Variants in GNA14 observed in about 807,000 individuals in gnomAD.
GNA14 encodes G protein subunit alpha 14, also known as guanine nucleotide-binding protein subunit alpha-14.
A neutral mutation model predicts 42.0 loss-of-function variants in GNA14; 50 were observed. The ratio of observed to expected loss-of-function variants is 1.19; its 90% confidence interval spans 0.95 to 1.51. The LOEUF (loss-of-function observed/expected upper bound fraction) is 1.51, where lower values mean the gene tolerates loss of function less well. Ranked by LOEUF, GNA14 falls within the 40% of genes most tolerant of loss-of-function variation. The pLI, the probability that GNA14 is intolerant of heterozygous loss-of-function variation, is 0.00. For synonymous variants in GNA14, 173 were observed against 163.1 expected, an observed-to-expected ratio of 1.06 and a Z score of -0.46; for missense variants, 473 against 446.2, an observed-to-expected ratio of 1.06 and a Z score of -0.54.
rs148808999 is a variant in GNA14, at chr9:77,451,169, T to C, written c.310-16647A>G. ...GCTTCCTTCAAGAGGACTCAAGATA[T>C]AATCTCAGCTCATCCCCTAGTAGGG... On this transcript the variant is annotated intron_variant, in intron 2 of 6. Coordinates refer to ENST00000341700, the MANE Select transcript of GNA14 (RefSeq NM_004297.4). 4.6e-3 allele frequency among the ~76,000 whole-genome samples: 696 copies of C among 152,256 alleles called. 4 individuals carry two copies. The highest frequency in any genetic ancestry group is 0.015 in the African/African-American group (641 of 41,544).
intron 1 of GNA14, among the ~76,000 whole-genome samples, chr9:77,546,117 T>C (rs1837716138): frequency 6.9e-6 from 1 of 145,180 alleles, no homozygotes; most frequent in East Asian, 2.0e-4. Context: ...CATGGGAGGC[T>C]GAGGCAGGAG....
At chr9:77,430,642 T>C (rs937715894) in intron 4 of GNA14, among the ~76,000 whole-genome samples, 1 of 152,164 alleles carries the variant, frequency 6.6e-6, no homozygotes, top group Non-Finnish European at 1.5e-5. Context: ...GACTGATGTG[T>C]TGTCTCAACT....
intron 1 of GNA14, among the ~76,000 whole-genome samples, chr9:77,630,905 G>A (rs7852042): frequency 0.24 from 37,169 of 151,960 alleles, 4,945 homozygotes; most frequent in African/African-American, 0.35. Flanking sequence ...TCACCAGCTG[G>A]CCCACAGCAT....
chr9:77,519,134 G>A (rs1174032577), intron 2 of GNA14, among the ~76,000 whole-genome samples: 2 of 152,180 alleles, frequency 1.3e-5, no homozygotes, highest in Non-Finnish European at 2.9e-5. Flanking sequence ...ACAGAGGCCG[G>A]ACAAGGTGGC....
At chr9:77,447,447 A>G (rs1368061478) in intron 2 of GNA14, among the ~76,000 whole-genome samples, 1 of 152,218 alleles carries the variant, frequency 6.6e-6, no homozygotes, top group Non-Finnish European at 1.5e-5. Context: ...TACACCAGAC[A>G]GGAGGCTGTT....
intron 2 of GNA14, among the ~76,000 whole-genome samples, chr9:77,457,592 A>G (rs1836025244): frequency 6.6e-6 from 1 of 152,204 alleles, no homozygotes; most frequent in Non-Finnish European, 1.5e-5. Flanking sequence ...GCACACAAGG[A>G]CACATGTGAG....
chr9:77,638,272 A>C (rs1362392357), intron 1 of GNA14, among the ~76,000 whole-genome samples: 1 of 152,226 alleles, frequency 6.6e-6, no homozygotes, highest in Non-Finnish European at 1.5e-5. Flanking sequence ...CAGAGCTTGC[A>C]ATCTATTTGG....
intron 1 of GNA14, among the ~76,000 whole-genome samples, chr9:77,615,928 T>TTTGTTGTTGTTG (rs147640630): frequency 6.6e-6 from 1 of 151,430 alleles, no homozygotes; most frequent in African/African-American, 2.4e-5. Context: ...GAGCAAGATT[T>TTTGTTGTTGTTG]TTGTTGTTGT....
intron 1 of GNA14, among the ~76,000 whole-genome samples, chr9:77,602,851 T>A (rs1276829797): frequency 6.6e-6 from 1 of 152,240 alleles, no homozygotes; most frequent in Admixed American, 6.5e-5. Flanking sequence ...TTTAATGCTC[T>A]GCTGTTACTG....
intron 1 of GNA14, among the ~76,000 whole-genome samples, chr9:77,590,650 A>T (rs1255262894): frequency 1.3e-5 from 2 of 151,982 alleles, no homozygotes. Context: ...AAGAGAAGTA[A>T]CCTTTTTGAA....
chr9:77,562,704 T>G (rs556478829), intron 1 of GNA14, among the ~76,000 whole-genome samples: 1 of 152,354 alleles, frequency 6.6e-6, no homozygotes, highest in South Asian at 2.1e-4. Context: ...TTAGCCTGTA[T>G]TTTCAACCTT....
intron 2 of GNA14, among the ~76,000 whole-genome samples, chr9:77,435,227 C>T (rs1835624508): frequency 6.6e-6 from 1 of 151,894 alleles, no homozygotes; most frequent in Non-Finnish European, 1.5e-5. Context: ...CATGGCGGCG[C>T]GTGCCTGTAA....
chr9:77,638,198 C>T (rs1165279628), intron 1 of GNA14, among the ~76,000 whole-genome samples: 1 of 152,182 alleles, frequency 6.6e-6, no homozygotes, highest in East Asian at 1.9e-4. Context: ...TAAAACATTG[C>T]ACCAGGCACA....
rs150202852 is a variant in GNA14, at chr9:77,588,328, C to T, written c.125-59075G>A. Among the ~76,000 whole-genome samples the T allele has an allele frequency of 1.2e-3, 187 of 152,226 alleles. 1 individual carries two copies. Among genetic ancestry groups the T allele is most frequent in the African/African-American group, 3.9e-3 (160 of 41,532 alleles). The stretch of plus-strand genomic sequence containing the variant: ...AGCCAGTGTCTGTTGCTTGCAACCA[C>T]AGAACATTAATTGATAAAATACTTC... On this transcript the variant is annotated intron_variant, in intron 1 of 6. Transcript: ENST00000341700.
At chr9:77,438,077 C>A (rs2131694841) in intron 2 of GNA14, among the ~76,000 whole-genome samples, 1 of 152,196 alleles carries the variant, frequency 6.6e-6, no homozygotes, top group Non-Finnish European at 1.5e-5. Context: ...GAGACCTCAC[C>A]AGGAGAGGAA....
chr9:77,571,638 T>C (rs1193101547), intron 1 of GNA14, among the ~76,000 whole-genome samples: 2 of 151,466 alleles, frequency 1.3e-5, no homozygotes, highest in African/African-American at 2.4e-5. Context: ...CTGTCTCTAC[T>C]AAAAATACAA....
chr9:77,473,858 A>G (rs1449307887), intron 2 of GNA14, among the ~76,000 whole-genome samples: 1 of 152,132 alleles, frequency 6.6e-6, no homozygotes, highest in Non-Finnish European at 1.5e-5. Flanking sequence ...TAAGCCCTCA[A>G]ATTTATAGTC....
At chr9:77,514,078 G>A (rs1237426370) in intron 2 of GNA14, among the ~76,000 whole-genome samples, 2 of 152,008 alleles carry the variant, frequency 1.3e-5, no homozygotes, top group Non-Finnish European at 2.9e-5. Flanking sequence ...CACATCCCAA[G>A]AGCTAAGCAT....
At chr9:77,599,219 A>G (rs763014763) in intron 1 of GNA14, among the ~76,000 whole-genome samples, 40 of 152,218 alleles carry the variant, frequency 2.6e-4, no homozygotes, top group African/African-American at 8.0e-4. Flanking sequence ...CTAGACGATG[A>G]TGACAACATT....
Sources: allele counts gnomAD v4.1 joint callset (sites outside exome capture counted in the v4.1 genomes callset), GRCh38; gene constraint gnomAD v4.1.1; transcripts MANE v1.5; gene names NCBI Gene and HGNC (gene_info 2026-07-23, HGNC 2026-07-21).